PHF20: variants seen among roughly 807,000 people sequenced by gnomAD.
PHF20 encodes the protein PHD finger protein 20, also known as glioma-expressed antigen 2.
PHF20 carries 23 observed loss-of-function variants against 113.5 expected under a neutral mutation model. That is an observed-to-expected ratio of 0.20 (90% CI 0.15 to 0.29). PHF20 has a LOEUF of 0.29. Ranked by LOEUF, PHF20 falls within the 10% of genes least tolerant of loss-of-function variation. The probability of loss-of-function intolerance (pLI) is 1.00; values close to 1 mark genes in which losing one functional copy is unlikely to be tolerated. For missense variants in PHF20, 943 were observed against 1,219.6 expected (o/e 0.77, Z 3.38); for synonymous variants, 434 against 457.3 (o/e 0.95, Z 0.65).
At chr20:35,823,257 G>T (rs1462624228) in intron 2 of PHF20, among the ~76,000 whole-genome samples, 9 of 151,884 alleles carry the variant, frequency 5.9e-5, no homozygotes, top group Non-Finnish European at 2.9e-5. Flanking sequence ...CTCTTTTTCA[G>T]AATACAGTTG....
chr20:35,919,077 G>A (rs1869371918), intron 13 of PHF20, among the ~76,000 whole-genome samples: 5 of 151,910 alleles, frequency 3.3e-5, no homozygotes, highest in South Asian at 2.1e-4. Context: ...GTGCAATGGC[G>A]CGATTTCGGC....
intron 12 of PHF20, 76 bp downstream of exon 12, chr20:35,914,273 G>A: frequency 1.4e-6 from 2 of 1,460,284 alleles, no homozygotes; most frequent in Non-Finnish European, 1.9e-6. Context: ...AGATATTATG[G>A]GTTTGGTTCT....
At chr20:35,945,612 A>T (rs1445666754) in intron 17 of PHF20, among the ~76,000 whole-genome samples, 1 of 152,088 alleles carries the variant, frequency 6.6e-6, no homozygotes. Context: ...AGGGTCCAGA[A>T]GGTGCTCAGT....
intron 2 of PHF20, among the ~76,000 whole-genome samples, chr20:35,830,525 A>G (rs567295742): frequency 2.7e-4 from 41 of 152,122 alleles, no homozygotes; most frequent in Non-Finnish European, 5.4e-4. Context: ...TGGCTTTTTG[A>G]CTACTGGGTT....
At chr20:35,788,322 T>C (rs1360630404) in intron 1 of PHF20, among the ~76,000 whole-genome samples, 3 of 150,202 alleles carry the variant, frequency 2.0e-5, no homozygotes, top group African/African-American at 7.4e-5. Context: ...GGTCTCGATC[T>C]CCTAACCTCG....
intron 17 of PHF20, among the ~76,000 whole-genome samples, chr20:35,946,295 G>T (rs1568814611): frequency 6.6e-6 from 1 of 152,078 alleles, no homozygotes; most frequent in Non-Finnish European, 1.5e-5. Context: ...TTCGCCGGGC[G>T]TGGTGGCACA....
chr20:35,786,689 T>TAAGCAA (rs1569117354), intron 1 of PHF20, among the ~76,000 whole-genome samples: 4 of 152,064 alleles, frequency 2.6e-5, no homozygotes, highest in Admixed American at 2.6e-4. Flanking sequence ...CGACAGAGCT[T>TAAGCAA]GACTCCGTCT....
At chr20:35,904,805 T>TTCCTTCCTTC (rs2055172721) in intron 10 of PHF20, among the ~76,000 whole-genome samples, 10 of 14,912 alleles carry the variant, frequency 6.7e-4, no homozygotes, top group Middle Eastern at 0.036. Flanking sequence ...TTCCTTCCTT[T>TTCCTTCCTTC]CTTTTCTTTC....
Position 35,856,838 on chromosome 20 carries a change from G to T in PHF20, c.341-1464G>T, listed in dbSNP as rs1035550793. Among the ~76,000 whole-genome samples the T allele has an allele frequency of 7.9e-5, 12 of 152,212 alleles. 1 individual carries two copies. The highest frequency in any genetic ancestry group is 1.6e-4 in the Non-Finnish European group (11 of 68,036). On this transcript the variant is annotated intron_variant, in intron 4 of 17. Transcript: ENST00000374012. ...GTGTCGCTGGCAGTTTCAGTGGGTAGCTTGTCACTTTGAGTTGGTGGGTAT... is the reference window on the plus strand; with the variant it reads ...GTGTCGCTGGCAGTTTCAGTGGGTATCTTGTCACTTTGAGTTGGTGGGTAT...
chr20:35,795,927 T>C (rs747920216), intron 1 of PHF20, among the ~76,000 whole-genome samples: 5 of 152,160 alleles, frequency 3.3e-5, no homozygotes, highest in Non-Finnish European at 5.9e-5. Context: ...CTCAGCTCAC[T>C]GCAACCTCCA....
At chr20:35,873,860 A>T (rs2054471003) in intron 9 of PHF20, among the ~76,000 whole-genome samples, 2 of 152,212 alleles carry the variant, frequency 1.3e-5, no homozygotes, top group Non-Finnish European at 1.5e-5. Flanking sequence ...CAGTTCACTT[A>T]GAGTTAATAT....
chr20:35,892,232 T>TC (rs1165826169), intron 9 of PHF20, among the ~76,000 whole-genome samples: 1 of 138,400 alleles, frequency 7.2e-6, no homozygotes, highest in Admixed American at 7.1e-5. Context: ...TGATTTTTTT[T>TC]TTTTTTTTTT....
intron 9 of PHF20, among the ~76,000 whole-genome samples, chr20:35,883,650 C>G (rs1481045927): frequency 6.6e-6 from 1 of 152,178 alleles, no homozygotes; most frequent in Non-Finnish European, 1.5e-5. Context: ...CCATTTTGCC[C>G]AGGCTGGTCT....
chr20:35,925,765 TTTA>T (rs910082920), intron 13 of PHF20, among the ~76,000 whole-genome samples: 6 of 152,060 alleles, frequency 3.9e-5, no homozygotes, highest in Non-Finnish European at 8.8e-5. Context: ...TTTTAGTTTG[TTTA>T]TTATTCTCAT....
At chr20:35,795,050 G>C (rs757313510) in intron 1 of PHF20, among the ~76,000 whole-genome samples, 2 of 151,952 alleles carry the variant, frequency 1.3e-5, no homozygotes, top group Non-Finnish European at 2.9e-5. Flanking sequence ...AAATTAGCTG[G>C]GTGTGGTGGT....
Position 35,940,975 on chromosome 20 carries a change from C to A in PHF20, c.2824C>A (p.Leu942Met). 6.2e-7 allele frequency: 1 copy of A among 1,614,194 alleles called. No individual in the cohort carries two copies. The highest frequency in any genetic ancestry group is 8.5e-7 in the Non-Finnish European group (1 of 1,180,006). Residue 942 changes from leucine to methionine, a missense_variant, in exon 17 of 18, where the codon CTG (leucine) becomes ATG (methionine). Leu to Met is a conservative substitution (Grantham distance 15). This residue lies in a region of PHF20 where 349 missense variants were observed against 412.3 expected (regional missense o/e 0.85). Transcript: ENST00000374012. Reference protein sequence around the residue: ...LSSQHQWQFNLLTHVESLQDE... With the variant: ...LSSQHQWQFNMLTHVESLQDE... ...CTCCCAGCACCAGTGGCAGTTTAAC[C>A]TGCTGACCCATGTGGAATCTCTTCA...
chr20:35,926,429 C>T (rs997832383), intron 13 of PHF20, among the ~76,000 whole-genome samples: 108 of 151,560 alleles, frequency 7.1e-4, no homozygotes, highest in African/African-American at 2.4e-3. Flanking sequence ...TTAGTAGAGA[C>T]GGGGTTTCAC....
chr20:35,858,829 T>C (rs894520217), intron 5 of PHF20, among the ~76,000 whole-genome samples: 26 of 152,210 alleles, frequency 1.7e-4, no homozygotes, highest in African/African-American at 6.0e-4. Flanking sequence ...TGCCTTGGCC[T>C]CCCAAGGTGC....
chr20:35,897,589 C>T (rs1466125867), intron 9 of PHF20, among the ~76,000 whole-genome samples: 5 of 111,776 alleles, frequency 4.5e-5, no homozygotes, highest in Admixed American at 2.3e-4. Context: ...TTTTCTGAGA[C>T]GGGGTCTTGC....
Sources: allele counts gnomAD v4.1 joint callset (sites outside exome capture counted in the v4.1 genomes callset), GRCh38; gene constraint gnomAD v4.1.1; regional missense constraint gnomAD v4.1.1; transcripts MANE v1.5; gene names NCBI Gene and HGNC (gene_info 2026-07-23, HGNC 2026-07-21).